Variants in HYDIN observed in about 807,000 individuals in gnomAD.
HYDIN encodes the protein axonemal central pair apparatus protein HYDIN.
HYDIN carries 132 observed loss-of-function variants against 403.9 expected under a neutral mutation model. The observed-to-expected ratio is 0.33, with a 90% CI of 0.28 to 0.38. The LOEUF (loss-of-function observed/expected upper bound fraction) is 0.38, where lower values mean the gene tolerates loss of function less well. HYDIN is among the 10% of genes least tolerant of loss of function. The pLI, the probability that HYDIN is intolerant of heterozygous loss-of-function variation, is 1.00. For missense variants in HYDIN, 2,827 were observed against 5,009.5 expected (o/e 0.56, Z 13.15); for synonymous variants, 1,202 against 1,891.7 (o/e 0.64, Z 9.46).
chr16:71,096,373 C>T (rs1192585667), intron 10 of HYDIN, among the ~76,000 whole-genome samples: 1 of 152,120 alleles, frequency 6.6e-6, no homozygotes, highest in Non-Finnish European at 1.5e-5. Context: ...GGGCTTGTAG[C>T]ACTTATTGAA....
intron 13 of HYDIN, among the ~76,000 whole-genome samples, chr16:71,077,718 T>C (rs1031706970): frequency 6.6e-6 from 1 of 151,888 alleles, no homozygotes; most frequent in Non-Finnish European, 1.5e-5. Context: ...CATTAAATTG[T>C]AATATCCCAG....
intron 28 of HYDIN, among the ~76,000 whole-genome samples, chr16:70,981,880 G>A (rs1567946371): frequency 1.3e-5 from 2 of 152,058 alleles, no homozygotes; most frequent in Non-Finnish European, 2.9e-5. Flanking sequence ...TGTAATCCCA[G>A]CACTTTGGGA....
intron 6 of HYDIN, among the ~76,000 whole-genome samples, chr16:71,158,799 G>C (rs1244287371): frequency 1.4e-5 from 2 of 146,208 alleles, no homozygotes; most frequent in East Asian, 4.0e-4. Context: ...CTCTTACCTT[G>C]GCCTCCCAAG....
chr16:70,913,221 A>G (rs2076742930), intron 47 of HYDIN, among the ~76,000 whole-genome samples: 1 of 150,512 alleles, frequency 6.6e-6, no homozygotes, highest in Non-Finnish European at 1.5e-5. Context: ...TTGAGGTGTG[A>G]CCTTAGATTG....
intron 7 of HYDIN, among the ~76,000 whole-genome samples, chr16:71,143,675 T>C (rs1018959727): frequency 2.6e-5 from 4 of 152,242 alleles, no homozygotes; most frequent in African/African-American, 9.6e-5. Flanking sequence ...TGAAACAAAG[T>C]TGATGCGGGT....
intron 64 of HYDIN, among the ~76,000 whole-genome samples, chr16:70,872,418 C>T (rs62048467): frequency 2.1e-5 from 3 of 141,818 alleles, no homozygotes; most frequent in Admixed American, 6.7e-5. Flanking sequence ...ATCCATCATC[C>T]ACCCACCCAT....
chr16:71,086,060 C>T (rs4354945), intron 12 of HYDIN, among the ~76,000 whole-genome samples: 46,459 of 151,860 alleles, frequency 0.31, 7,497 homozygotes, highest in East Asian at 0.52. Flanking sequence ...TGTCTCATGT[C>T]TTTTCTGTTC....
intron 5 of HYDIN, among the ~76,000 whole-genome samples, chr16:71,175,114 A>C (rs2086616544): frequency 6.6e-6 from 1 of 150,450 alleles, no homozygotes; most frequent in Non-Finnish European, 1.5e-5. Flanking sequence ...CACCAACTCT[A>C]CAAATACTAA....
rs1567710210 is a variant in HYDIN, at chr16:70,854,517, C to T, written c.12443+611G>A. On this transcript the variant is annotated intron_variant, in intron 73 of 85. Transcript: ENST00000393567. ...GCAACCTATGCCTCCCGGGTTCAAG[C>T]GATTCTGCTGCCTCAGTCTCTCGAG... 3.3e-5 allele frequency among the ~76,000 whole-genome samples: 5 copies of T among 152,142 alleles called. 1 individual carries two copies. The South Asian group carries it at 6.2e-4, about 19-fold the overall frequency.
intron 61 of HYDIN, 57 bp downstream of exon 61, chr16:70,879,548 A>G (rs2040652155): frequency 6.2e-7 from 1 of 1,604,390 alleles, no homozygotes; most frequent in South Asian, 1.1e-5. Context: ...CACTCCCTAC[A>G]GAGTGTGGCC....
rs758650564 is a variant in HYDIN, at chr16:70,920,654, T to C, written c.7722A>G (p.Pro2574=). Residue 2574 remains proline (P), a synonymous_variant, in exon 46 of 86, where the codon CCA becomes CCG. Transcript: ENST00000393567. Reference sequence around the variant, plus strand: ...GCTTCCAGCTCAAGCCTTCAAAGTCTGGTGTCTGGATGTCTAGGAAGGGTA... The same window carrying C: ...GCTTCCAGCTCAAGCCTTCAAAGTCCGGTGTCTGGATGTCTAGGAAGGGTA... ...LGVPFLDIQT[P]DFEGLSWKQA... 1.9e-6 allele frequency: 3 copies of C among 1,613,964 alleles called. No homozygotes were observed. The highest frequency in any genetic ancestry group is 2.5e-6 in the Non-Finnish European group (3 of 1,179,960).
chr16:71,065,780 G>A (rs562562150), intron 15 of HYDIN, among the ~76,000 whole-genome samples: 13 of 152,350 alleles, frequency 8.5e-5, no homozygotes, highest in Non-Finnish European at 1.6e-4. Flanking sequence ...AAGAGGGAGT[G>A]AGCCTGTGGC....
chr16:71,090,692 ATGG>A (rs1434287412), intron 11 of HYDIN, among the ~76,000 whole-genome samples: 1 of 151,052 alleles, frequency 6.6e-6, no homozygotes, highest in Non-Finnish European at 1.5e-5. Flanking sequence ...TTTTGTAGAG[ATGG>A]GGTCTTTCTG....
At position 71,107,073 on chromosome 16, in the gene HYDIN, C is replaced by T. The variant is rs1325316408; in HGVS notation, c.1327+8623G>A. Among the ~76,000 whole-genome samples the T allele has an allele frequency of 2.8e-5, 4 of 145,060 alleles. No individual in the cohort carries two copies. In the East Asian group the frequency reaches 8.2e-4, roughly 30 times the overall value. On this transcript the variant is annotated intron_variant, in intron 10 of 85. Coordinates refer to ENST00000393567, the MANE Select transcript of HYDIN (RefSeq NM_001270974.2). ...CACAAGGACAAAAAACCAAACACCGCATGTTCTCACTCATAGGTGGGAATT... is the reference window on the plus strand; with the variant it reads ...CACAAGGACAAAAAACCAAACACCGTATGTTCTCACTCATAGGTGGGAATT...
chr16:70,991,599 C>G (rs2144045144), intron 24 of HYDIN, among the ~76,000 whole-genome samples: 1 of 151,654 alleles, frequency 6.6e-6, no homozygotes, highest in African/African-American at 2.4e-5. Flanking sequence ...GTGGTCTAGG[C>G]CACTGAACTG....
chr16:71,167,896 C>G (rs2086296148), intron 5 of HYDIN, among the ~76,000 whole-genome samples: 1 of 151,892 alleles, frequency 6.6e-6, no homozygotes, highest in African/African-American at 2.4e-5. Flanking sequence ...TTTTCCTCCT[C>G]TGTTCCCTAT....
intron 6 of HYDIN, 84 bp from the exon 7 acceptor site, chr16:71,152,867 C>A: frequency 8.7e-6 from 10 of 1,155,544 alleles, no homozygotes; most frequent in Non-Finnish European, 1.3e-5. Context: ...AGTTCTAGTT[C>A]TGCAGACAGC....
At chr16:71,106,596 C>T (rs372679234) in intron 10 of HYDIN, among the ~76,000 whole-genome samples, 41 of 152,240 alleles carry the variant, frequency 2.7e-4, no homozygotes, top group Admixed American at 2.3e-3. Flanking sequence ...CAGTTGGAGA[C>T]GTGGGTTAAA....
At chr16:71,134,169 A>G (rs1989997) in intron 8 of HYDIN, among the ~76,000 whole-genome samples, 6 of 139,968 alleles carry the variant, frequency 4.3e-5, no homozygotes, top group Non-Finnish European at 7.9e-5. Context: ...ACAAGAAACC[A>G]TGATGGCTAG....
Sources: gnomAD v4.1 joint callset for allele counts (sites outside exome capture counted in the v4.1 genomes callset) on GRCh38, gnomAD v4.1.1 for gene constraint, MANE v1.5 for transcripts, NCBI Gene and HGNC (gene_info 2026-07-23, HGNC 2026-07-21) for gene names.